The following MAPKAPK5 variants were observed in gnomAD, a reference collection of about 807,000 sequenced individuals.
MAPKAPK5 encodes the protein MAPK activated protein kinase 5.
In MAPKAPK5, 30 loss-of-function variants were observed where a neutral mutation model predicts 65.1. The observed-to-expected ratio is 0.46, with a 90% CI of 0.34 to 0.63. The LOEUF (loss-of-function observed/expected upper bound fraction) is 0.63, where lower values mean the gene tolerates loss of function less well. Among genes scored for constraint, MAPKAPK5 ranks in the 20% least tolerant of loss-of-function variants. MAPKAPK5 has a pLI of 0.01. For synonymous variants in MAPKAPK5, 179 were observed against 204.6 expected, an observed-to-expected ratio of 0.87 and a Z score of 1.07; for missense variants, 433 against 581.4, an observed-to-expected ratio of 0.74 and a Z score of 2.63.
At chr12:111,861,807 A>T (rs968783026) in intron 1 of MAPKAPK5, among the ~76,000 whole-genome samples, 2 of 152,172 alleles carry the variant, frequency 1.3e-5, no homozygotes, top group Non-Finnish European at 2.9e-5. Flanking sequence ...CTGTTGTTGT[A>T]GTGTGAAAGC....
At chr12:111,888,373 A>G (rs963383548) in intron 10 of MAPKAPK5, 115 bp from the exon 11 acceptor site, 2 of 1,386,104 alleles carry the variant, frequency 1.4e-6, no homozygotes, top group Non-Finnish European at 2.0e-6. Flanking sequence ...TTCCTTCAGC[A>G]TAAGAGTGAA....
intron 1 of MAPKAPK5, among the ~76,000 whole-genome samples, chr12:111,863,627 A>G (rs1019266710): frequency 4.3e-5 from 6 of 138,030 alleles, no homozygotes; most frequent in East Asian, 2.4e-4. Context: ...TTTTTTTGAG[A>G]TGGAGTTTTG....
intron 7 of MAPKAPK5, among the ~76,000 whole-genome samples, chr12:111,878,258 T>C (rs552018835): frequency 6.6e-6 from 1 of 152,082 alleles, no homozygotes; most frequent in African/African-American, 2.4e-5. Context: ...TGTTTTCTTC[T>C]AGAAGTTTTA....
chr12:111,842,635 C>T lies in MAPKAPK5; in HGVS notation c.-99C>T. 2.3e-6 allele frequency: 2 copies of T among 870,714 alleles called. No individual in the cohort carries two copies. The highest frequency in any genetic ancestry group is 4.3e-5 in the Admixed American group (1 of 23,376). The allele number at this position is 870,714 out of a possible 1,614,324, so 53.9% of individuals were successfully genotyped here. A position where few individuals can be genotyped will look rare whatever the true frequency, so the allele number is the denominator to read the frequency against. ...CGGCTGCTGCCCGTCGCCACGAGGC[C>T]CAGGGGCCCGAGTGCCGAGCCCTTT... On this transcript the variant is annotated 5_prime_UTR_variant, in exon 1 of 14. Coordinates refer to ENST00000550735, the MANE Select transcript of MAPKAPK5 (RefSeq NM_003668.4).
chr12:111,859,286 A>G (rs1214648585), intron 1 of MAPKAPK5, among the ~76,000 whole-genome samples: 1 of 148,316 alleles, frequency 6.7e-6, no homozygotes, highest in African/African-American at 2.5e-5. Context: ...TTAAATTATT[A>G]TTAGTTTTTT....
intron 1 of MAPKAPK5, among the ~76,000 whole-genome samples, chr12:111,858,973 A>C (rs952608513): frequency 6.8e-6 from 1 of 146,506 alleles, no homozygotes; most frequent in Non-Finnish European, 1.5e-5. Context: ...TTACTTCGTC[A>C]TCAGTTTTCT....
chr12:111,892,632 ACT>A (rs2070653839), intron 13 of MAPKAPK5, among the ~76,000 whole-genome samples: 3 of 151,528 alleles, frequency 2.0e-5, no homozygotes, highest in Admixed American at 2.0e-4. Context: ...ATTTTTTTTC[ACT>A]GAGTTGTGTT....
chr12:111,888,482 A>G lies in MAPKAPK5; in HGVS notation c.970-6A>G. 6.2e-7 allele frequency: 1 copy of G among 1,613,040 alleles called. No individual in the cohort carries two copies. Among genetic ancestry groups the G allele is most frequent in the Non-Finnish European group, 8.5e-7 (1 of 1,179,614 alleles). On this transcript the variant is annotated splice_polypyrimidine_tract_variant and splice_region_variant and intron_variant, in intron 10 of 13. Coordinates refer to ENST00000550735, the MANE Select transcript of MAPKAPK5 (RefSeq NM_003668.4). ...ATGAAAAACTGACGGCAGTGTTTGC[A>G]TTCAGGCAGTGGTTGCAGGAATCCA...
chr12:111,842,668 C>A lies in MAPKAPK5; in HGVS notation c.-66C>A. 2 of 1,260,684 alleles carry A rather than the reference C, an allele frequency of 1.6e-6. No individual in the cohort carries two copies. The highest frequency in any genetic ancestry group is 2.0e-6 in the Non-Finnish European group (2 of 979,722). The allele number at this position is 1,260,684 out of a possible 1,614,324, so 78.1% of individuals were successfully genotyped here. Reference sequence around the variant, plus strand: ...CCGAGTGCCGAGCCCTTTGCTCCCTCGGCCGCGCGGGGACAGGGCTGCTGA... The same window carrying A: ...CCGAGTGCCGAGCCCTTTGCTCCCTAGGCCGCGCGGGGACAGGGCTGCTGA... On this transcript the variant is annotated 5_prime_UTR_variant, in exon 1 of 14. Coordinates refer to ENST00000550735, the MANE Select transcript of MAPKAPK5 (RefSeq NM_003668.4).
chr12:111,881,403 CTTTTTT>C (rs61349417), intron 8 of MAPKAPK5, among the ~76,000 whole-genome samples: 1 of 110,724 alleles, frequency 9.0e-6, no homozygotes. Context: ...CTGTCTGTTC[CTTTTTT>C]TTTTTTTTTT....
Position 111,842,329 on chromosome 12 carries a change from G to GAGGCGC in MAPKAPK5, c.-400_-395dup, listed in dbSNP as rs1452543258. 1 of 157,394 alleles carries GAGGCGC rather than the reference G, an allele frequency of 6.4e-6. No homozygotes were observed. The highest frequency in any genetic ancestry group is 1.4e-5 in the Non-Finnish European group (1 of 71,772). 9.7% of individuals were successfully genotyped at this position (157,394 alleles called of 1,614,324 possible). A position where few individuals can be genotyped will look rare whatever the true frequency, so the allele number is the denominator to read the frequency against. On this transcript the variant is annotated 5_prime_UTR_variant, in exon 1 of 14. Coordinates refer to ENST00000550735, the MANE Select transcript of MAPKAPK5 (RefSeq NM_003668.4). ...CGCGGCGGTGCAGGCGGCGGAGGCG[G>GAGGCGC]AGGCGCAGGCTCTTCTTTAGGACCT...
In MAPKAPK5 at chr12:111,866,248, C is replaced by G; in HGVS notation, c.186+17C>G. The G allele has an allele frequency of 1.3e-6, 2 of 1,599,082 alleles. No individual in the cohort carries two copies. Among genetic ancestry groups the G allele is most frequent in the Non-Finnish European group, 1.7e-6 (2 of 1,172,126 alleles). Reference sequence around the variant, plus strand: ...AGAAATGAGGTATGCTTTATTGCCTCGACTTAATTAAATAGTTGAAGTGCC... The same window carrying G: ...AGAAATGAGGTATGCTTTATTGCCTGGACTTAATTAAATAGTTGAAGTGCC... On this transcript the variant is annotated intron_variant, in intron 3 of 13. Transcript: ENST00000550735.
intron 1 of MAPKAPK5, among the ~76,000 whole-genome samples, chr12:111,845,226 G>A (rs1254162935): frequency 6.6e-6 from 1 of 152,078 alleles, no homozygotes; most frequent in African/African-American, 2.4e-5. Flanking sequence ...CCAGGTTCAA[G>A]CAATTCTTGT....
chr12:111,866,273 C>T, intron 3 of MAPKAPK5, 42 bp downstream of exon 3: 1 of 1,538,818 alleles, frequency 6.5e-7, no homozygotes, highest in Non-Finnish European at 8.9e-7. Context: ...GTTGAAGTGC[C>T]TAAGAATTGT....
intron 11 of MAPKAPK5, 119 bp from the exon 12 acceptor site, chr12:111,888,766 G>GT (rs1485831215): frequency 6.7e-7 from 1 of 1,499,906 alleles, no homozygotes; most frequent in Non-Finnish European, 9.0e-7. Context: ...AGTATCAGGA[G>GT]TTGGACACTA....
rs185014283 is a variant in MAPKAPK5 at position 111,866,845 on chromosome 12, A to G, written c.186+614A>G. ...TTGAACTCCTGACCTCAGGTGATCC[A>G]TCCGCCTCGGCCTCTCAAAGTGCTG... On this transcript the variant is annotated intron_variant, in intron 3 of 13. Transcript: ENST00000550735. Among the ~76,000 whole-genome samples the G allele has an allele frequency of 4.4e-4, 67 of 152,326 alleles. 1 individual carries two copies. Among genetic ancestry groups the G allele is most frequent in the Middle Eastern group, 3.4e-3 (1 of 294 alleles).
chr12:111,868,507 G>A (rs181264833), intron 4 of MAPKAPK5, among the ~76,000 whole-genome samples: 1 of 152,144 alleles, frequency 6.6e-6, no homozygotes, highest in East Asian at 1.9e-4. Flanking sequence ...TGCTCTGTTG[G>A]TGAAAGCATT....
intron 7 of MAPKAPK5, among the ~76,000 whole-genome samples, chr12:111,875,404 A>T (rs35662477): frequency 0.1 from 15,639 of 151,788 alleles, 842 homozygotes; most frequent in East Asian, 0.23. Context: ...TTTAAAAAAA[A>T]TTTTTTTAAA....
intron 3 of MAPKAPK5, among the ~76,000 whole-genome samples, chr12:111,867,183 C>T (rs2069642797): frequency 6.6e-6 from 1 of 152,166 alleles, no homozygotes; most frequent in South Asian, 2.1e-4. Context: ...CCACTTTGGC[C>T]TCCCAAAGTG....
Sources: gnomAD v4.1 joint callset for allele counts (sites outside exome capture counted in the v4.1 genomes callset) on GRCh38, gnomAD v4.1.1 for gene constraint, MANE v1.5 for transcripts, NCBI Gene and HGNC (gene_info 2026-07-23, HGNC 2026-07-21) for gene names.